TSR3: variants seen among roughly 807,000 people sequenced by gnomAD.
TSR3 encodes the protein TSR3 ribosome maturation factor, also known as 18S rRNA aminocarboxypropyltransferase.
TSR3 carries 31 observed loss-of-function variants against 28.1 expected under a neutral mutation model. The ratio of observed to expected loss-of-function variants is 1.10; its 90% CI spans 0.83 to 1.49. The LOEUF is 1.49. Among genes scored for constraint, TSR3 ranks in the 40% most tolerant of loss-of-function variants. The pLI, the probability that TSR3 is intolerant of heterozygous loss-of-function variation, is 0.00. For missense variants in TSR3, 511 were observed against 444.0 expected (o/e 1.15, Z -1.36); for synonymous variants, 219 against 197.2 (o/e 1.11, Z -0.93).
rs757318609 is a variant in TSR3, at chr16:1,350,950, C to T, written c.383G>A (p.Arg128Lys). The change falls in exon 3 of 6, where the codon AGG (arginine) becomes AAG (lysine). Residue 128 changes from arginine to lysine, a missense_variant. Transcript: ENST00000007390. ...CTTCCCAAACGGTGTCTCGTCCAGC[C>T]TGGCCCAGGAGCAGTCGATGACGGC... ...GVAVIDCSWARLDETPFGKMR... is the reference protein window; with the variant it reads ...GVAVIDCSWAKLDETPFGKMR... 4 of 1,612,804 alleles carry T rather than the reference C, an allele frequency of 2.5e-6. No homozygotes were observed. The highest frequency in any genetic ancestry group is 3.4e-6 in the Non-Finnish European group (4 of 1,179,982).
At position 1,349,501 on chromosome 16, in the gene TSR3, C is replaced by G. The variant is rs199925239; in HGVS notation, c.875G>C (p.Arg292Pro). 20 of 1,613,602 alleles carry G rather than the reference C, an allele frequency of 1.2e-5. No homozygotes were observed. Among genetic ancestry groups the G allele is most frequent in the Middle Eastern group, 1.6e-4 (1 of 6,084 alleles). ...SCCEEEQTQG[R>P]GAEARAPAEV... ...AGCCGGGGCCCTGGCCTCAGCCCCC[C>G]GTCCCTGCGTCTGCTCCTCTTCACA... The change falls in exon 6 of 6, where the codon CGG (arginine) becomes CCG (proline). Residue 292 changes from arginine to proline, a missense_variant. Transcript: ENST00000007390.
chr16:1,351,282 T>C, intron 2 of TSR3, 97 bp downstream of exon 2: 1 of 1,298,374 alleles, frequency 7.7e-7, no homozygotes, highest in South Asian at 1.5e-5. Context: ...CACGTGGGTG[T>C]GGATGTGGGT....
At chr16:1,351,328 G>T in intron 2 of TSR3, 51 bp downstream of exon 2, 1 of 1,533,942 alleles carries the variant, frequency 6.5e-7, no homozygotes, top group Non-Finnish European at 8.7e-7. Context: ...TCCCTGAAGG[G>T]AACCACGCGC....
intron 1 of TSR3, 30 bp downstream of exon 1, chr16:1,351,663 G>T (rs1485133631): frequency 2.1e-6 from 3 of 1,410,758 alleles, no homozygotes; most frequent in Non-Finnish European, 2.8e-6. Flanking sequence ...CTCAAACCCT[G>T]ACCCGCTCTC....
intron 4 of TSR3, 49 bp from the exon 5 acceptor site, chr16:1,350,001 A>G: frequency 6.2e-7 from 1 of 1,611,844 alleles, no homozygotes; most frequent in South Asian, 1.1e-5. Context: ...GAGCAGGACC[A>G]GGCCTCCCAC....
chr16:1,350,857 G>T lies in TSR3; in HGVS notation c.476C>A (p.Pro159His). Residue 159 changes from proline (P) to histidine (H), a missense_variant, in exon 3 of 6, where the codon CCC (proline) becomes CAC (histidine). Physicochemically the swap from Pro to His is moderately conservative, Grantham distance 77. Transcript: ENST00000007390. ...CGCTTCCACGCAGGAAAGTCTGTAG[G>T]GCCGGCCATAGTTCACGGGGTTGGC... ...VAANPVNYGR[P>H]YRLSCVEAFA... The T allele has an allele frequency of 6.2e-7, 1 of 1,613,064 alleles. No individual in the cohort carries two copies. The highest frequency in any genetic ancestry group is 8.5e-7 in the Non-Finnish European group (1 of 1,179,990).
At chr16:1,351,647 C>A in intron 1 of TSR3, 46 bp downstream of exon 1, 1 of 1,429,640 alleles carries the variant, frequency 7.0e-7, no homozygotes. Context: ...GACCCCCGGG[C>A]AGGCCCTCAA....
rs1402207502 is a variant in TSR3, at chr16:1,349,318, C to T, written c.*119G>A. ...GCTGTGCTGGAAGTGTGGGGAGAAC[C>T]CGGACAGCTCAGTCCTGCCAGCAGC... is the stretch of plus-strand genomic sequence containing the variant. On this transcript the variant is annotated 3_prime_UTR_variant, in exon 6 of 6. Coordinates refer to ENST00000007390, the MANE Select transcript of TSR3 (RefSeq NM_001001410.3). The T allele has an allele frequency of 8.7e-7, 1 of 1,146,458 alleles. No individual in the cohort carries two copies. The highest frequency in any genetic ancestry group is 1.3e-6 in the Non-Finnish European group (1 of 760,772). 71.0% of individuals were successfully genotyped at this position (1,146,458 alleles called of 1,614,324 possible). A position where few individuals can be genotyped will look rare whatever the true frequency, so the allele number is the denominator to read the frequency against.
chr16:1,351,770 G>GC lies in TSR3; in HGVS notation c.34dup (p.Ala12GlyfsTer35). The GC allele has an allele frequency of 7.4e-7, 1 of 1,346,556 alleles. No homozygotes were observed. The highest frequency in any genetic ancestry group is 1.8e-5 in the South Asian group (1 of 54,604). The allele number at this position is 1,346,556 out of a possible 1,614,324, so 83.4% of individuals were successfully genotyped here. The stretch of plus-strand genomic sequence containing the variant: ...GAGGTGCCGAGGGCGGCCGCCTTCC[G>GC]CCCCCGGCCCGCGCGCTGCCCTCCT... On this transcript the variant is annotated frameshift_variant, in exon 1 of 6. Coordinates refer to ENST00000007390, the MANE Select transcript of TSR3 (RefSeq NM_001001410.3). LOFTEE classifies it high-confidence loss of function.
rs1343212177 is a variant in TSR3, at chr16:1,351,728, TC to T, written c.76del (p.Glu26ArgfsTer73). On this transcript the variant is annotated frameshift_variant, in exon 1 of 6. Transcript: ENST00000007390. LOFTEE classifies it high-confidence loss of function. Reference protein sequence around the residue: ...RPRHLPTRSLEAFAEEVGAAL... With the variant: ...RPRHLPTRSLXAFAEEVGAAL... ...GGCGCCGACCTCCTCGGCGAAGGCCTCCAGGGAGCGCGTCGGGAGGTGCCGA... is the reference window on the plus strand; with the variant it reads ...GGCGCCGACCTCCTCGGCGAAGGCCTCAGGGAGCGCGTCGGGAGGTGCCGA... The T allele has an allele frequency of 7.3e-7, 1 of 1,371,842 alleles. No homozygotes were observed. The highest frequency in any genetic ancestry group is 1.7e-5 in the South Asian group (1 of 60,102). 85.0% of individuals were successfully genotyped at this position (1,371,842 alleles called of 1,614,324 possible). A position where few individuals can be genotyped will look rare whatever the true frequency, so the allele number is the denominator to read the frequency against.
chr16:1,351,308 C>T lies in TSR3; in HGVS notation c.332+71G>A, dbSNP rs1165017480. 4 of 1,467,118 alleles carry T rather than the reference C, an allele frequency of 2.7e-6. No homozygotes were observed. In the African/African-American group the frequency reaches 4.2e-5, roughly 15 times the overall value. The allele number at this position is 1,467,118 out of a possible 1,614,324, so 90.9% of individuals were successfully genotyped here. ...GGATGTGGGTGCGACATACAAGTGC[C>T]ACTAAACCATCCCTGAAGGGAACCA... On this transcript the variant is annotated intron_variant, in intron 2 of 5. Transcript: ENST00000007390.
chr16:1,350,788 G>C lies in TSR3; in HGVS notation c.526+19C>G. 6.2e-7 allele frequency: 1 copy of C among 1,606,482 alleles called. No individual in the cohort carries two copies. Among genetic ancestry groups the C allele is most frequent in the Non-Finnish European group, 8.5e-7 (1 of 1,174,960 alleles). The stretch of plus-strand genomic sequence containing the variant: ...CAGCAGGCCGCCGGGTCACACTGCT[G>C]TGGGGCCCCTGGACTCACCTACGAT... On this transcript the variant is annotated intron_variant, in intron 3 of 5. Transcript: ENST00000007390.
Position 1,351,776 on chromosome 16 carries a change from G to T in TSR3, c.29C>A (p.Pro10Gln). Residue 10 changes from proline to glutamine, a missense_variant, in exon 1 of 6, where the codon CCG becomes CAG. Pro to Gln is a moderately conservative substitution (Grantham distance 76, BLOSUM62 -1). Coordinates refer to ENST00000007390, the MANE Select transcript of TSR3 (RefSeq NM_001001410.3). MGRRRAARG[P>Q]GAEGGRPRHL... The stretch of plus-strand genomic sequence containing the variant: ...CCGAGGGCGGCCGCCTTCCGCCCCC[G>T]GCCCGCGCGCTGCCCTCCTGCGGCC... 1 of 1,345,490 alleles carries T rather than the reference G, an allele frequency of 7.4e-7. No individual in the cohort carries two copies. Among genetic ancestry groups the T allele is most frequent in the Non-Finnish European group, 9.5e-7 (1 of 1,054,442 alleles). The allele number at this position is 1,345,490 out of a possible 1,614,324, so 83.3% of individuals were successfully genotyped here. A position where few individuals can be genotyped will look rare whatever the true frequency, so the allele number is the denominator to read the frequency against.
In TSR3 at chr16:1,350,746, T is replaced by C. The variant is rs1039019995; in HGVS notation, c.526+61A>G. ...GGTCTGTCGGCAGGAAACATGATGC[T>C]GGGAGCATAGCAGGAACAGCAGGCC... is the stretch of plus-strand genomic sequence containing the variant. On this transcript the variant is annotated intron_variant, in intron 3 of 5. Coordinates refer to ENST00000007390, the MANE Select transcript of TSR3 (RefSeq NM_001001410.3). The C allele has an allele frequency of 3.9e-6, 6 of 1,551,826 alleles. No homozygotes were observed. The Admixed American group carries it at 8.7e-5, about 22-fold the overall frequency.
At chr16:1,351,634 TG>T in intron 1 of TSR3, 36 bp from the exon 2 acceptor site, 1 of 1,440,768 alleles carries the variant, frequency 6.9e-7, no homozygotes, top group Admixed American at 3.1e-5. Context: ...GGCCTCAGCG[TG>T]GGACCCCCGG....
rs1277468993 is a variant in TSR3, at chr16:1,349,581, A to G, written c.795T>C (p.Asp265=). 12 of 1,609,658 alleles carry G rather than the reference A, an allele frequency of 7.5e-6. No homozygotes were observed. The South Asian group carries it at 1.2e-4, about 16-fold the overall frequency. The change falls in exon 6 of 6, where the codon GAT becomes GAC. Residue 265 remains aspartate, a synonymous_variant. Transcript: ENST00000007390. The stretch of plus-strand genomic sequence containing the variant: ...CGCCAGGCCCTGGGTCCTCAGACGC[A>G]TCACTGTCATCAGTGTCCGAGGGCA... The part of the protein sequence containing the change: ...TRLPSDTDDS[D]ASEDPGPGAE...
At position 1,349,537 on chromosome 16, in the gene TSR3, C is replaced by T; in HGVS notation, c.839G>A (p.Ser280Asn). ...CTGCTCCTCTTCACAGCAGCTGCTG[C>T]TGGCTCCTCCGCGCTCGGCGCCAGG... ...PGPGAERGGA[S>N]SSCCEEEQTQ... Residue 280 changes from serine (S) to asparagine (N), a missense_variant, in exon 6 of 6, where the codon AGC becomes AAC. Physicochemically the swap from Ser to Asn is conservative, Grantham distance 46 (BLOSUM62 1). Transcript: ENST00000007390. 6.2e-7 allele frequency: 1 copy of T among 1,613,308 alleles called. No homozygotes were observed. The highest frequency in any genetic ancestry group is 8.5e-7 in the Non-Finnish European group (1 of 1,179,992).
chr16:1,350,345 A>G (rs747202730), intron 3 of TSR3, 111 bp from the exon 4 acceptor site: 74 of 1,169,682 alleles, frequency 6.3e-5, no homozygotes, highest in Non-Finnish European at 8.2e-5. Flanking sequence ...CAGGGTCCCC[A>G]GCAAACATCA....
intron 5 of TSR3, 35 bp from the exon 6 acceptor site, chr16:1,349,643 G>T: frequency 1.3e-6 from 2 of 1,558,536 alleles, no homozygotes; most frequent in Non-Finnish European, 8.7e-7. Flanking sequence ...CCCAAATGAC[G>T]TCCTCCCTGG....
Sources: gnomAD v4.1 joint callset for allele counts on GRCh38, gnomAD v4.1.1 for gene constraint, MANE v1.5 for transcripts, NCBI Gene and HGNC (gene_info 2026-07-23, HGNC 2026-07-21) for gene names.